Variants in RMDN2 observed in about 807,000 individuals in gnomAD.
RMDN2 encodes regulator of microtubule dynamics 2.
A neutral mutation model predicts 52.8 loss-of-function variants in RMDN2; 61 were observed. The ratio of observed to expected loss-of-function variants is 1.16; its 90% CI spans 0.94 to 1.43. The LOEUF (loss-of-function observed/expected upper bound fraction) is 1.43, where lower values mean the gene tolerates loss of function less well. Among genes scored for constraint, RMDN2 ranks in the 40% most tolerant of loss-of-function variants. The probability of loss-of-function intolerance (pLI) is 0.00; values close to 1 mark genes in which losing one functional copy is unlikely to be tolerated. For missense variants in RMDN2, 592 were observed against 475.3 expected (o/e 1.25, Z -2.28); for synonymous variants, 180 against 153.1 (o/e 1.18, Z -1.30).
chr2:37,986,034 A>AT (rs1285835528), intron 5 of RMDN2, among the ~76,000 whole-genome samples: 3 of 152,160 alleles, frequency 2.0e-5, no homozygotes, highest in Non-Finnish European at 4.4e-5. Context: ...TACTATGAGA[A>AT]TTTTTTTGTA....
chr2:38,016,886 G>A lies in RMDN2; in HGVS notation c.1180-300G>A, dbSNP rs148753896. ...AGAAGGAATTCAATGAAATAAACAT[G>A]ATAAACCCTTTACTCATAGAGCGAC... On this transcript the variant is annotated intron_variant, in intron 10 of 10. Coordinates refer to ENST00000354545, the MANE Select transcript of RMDN2 (RefSeq NM_001170791.3). 4.8e-3 allele frequency among the ~76,000 whole-genome samples: 723 copies of A among 151,764 alleles called. 5 individuals carry two copies. Among genetic ancestry groups the A allele is most frequent in the African/African-American group, 0.017 (687 of 41,382 alleles).
At chr2:37,981,175 G>A (rs1203157311) in intron 4 of RMDN2, 108 bp from the exon 5 acceptor site, 12 of 759,786 alleles carry the variant, frequency 1.6e-5, no homozygotes, top group Non-Finnish European at 2.6e-5. Flanking sequence ...ATGTGATGCT[G>A]ATGCTTCTGG....
intron 2 of RMDN2, among the ~76,000 whole-genome samples, chr2:37,962,139 G>T (rs1321105461): frequency 6.6e-6 from 1 of 152,224 alleles, no homozygotes; most frequent in Non-Finnish European, 1.5e-5. Flanking sequence ...CCTCTGCTGG[G>T]AGATGTCTCC....
intron 10 of RMDN2, among the ~76,000 whole-genome samples, chr2:38,025,923 CT>C: frequency 6.6e-6 from 1 of 152,052 alleles, no homozygotes; most frequent in East Asian, 1.9e-4. Flanking sequence ...CTTGTAAAGT[CT>C]TTTTCTGGTT....
chr2:38,037,647 C>T (rs550782651), intron 10 of RMDN2, among the ~76,000 whole-genome samples: 2 of 152,314 alleles, frequency 1.3e-5, no homozygotes, highest in East Asian at 3.9e-4. Context: ...AAACATAGTT[C>T]AGAACCTGAT....
intron 5 of RMDN2, among the ~76,000 whole-genome samples, chr2:37,987,390 A>G (rs1430570478): frequency 6.6e-6 from 1 of 152,194 alleles, no homozygotes; most frequent in Non-Finnish European, 1.5e-5. Flanking sequence ...CCATGAAAAG[A>G]TGTGGAGGAA....
chr2:37,978,813 T>TAGATAGATAGATAGATAGAG (rs1180325489), intron 4 of RMDN2, among the ~76,000 whole-genome samples: 2 of 151,714 alleles, frequency 1.3e-5, no homozygotes, highest in Admixed American at 1.3e-4. Flanking sequence ...GATAGATAGA[T>TAGATAGATAGATAGATAGAG]AGAGAACAGG....
At chr2:38,021,514 G>A (rs972701722), downstream of RMDN2, among the ~76,000 whole-genome samples, 2 of 152,054 alleles carry the variant, frequency 1.3e-5, no homozygotes, top group African/African-American at 4.8e-5. Context: ...TCCTGAGCCA[G>A]CGAGACCACA....
At chr2:38,057,138 G>A (rs1274983558) in intron 10 of RMDN2, among the ~76,000 whole-genome samples, 2 of 152,264 alleles carry the variant, frequency 1.3e-5, no homozygotes, top group Middle Eastern at 3.4e-3. Flanking sequence ...ACATGAAGAG[G>A]TTGTTACTAT....
At chr2:37,932,480 C>A (rs2124897283) in intron 2 of RMDN2, among the ~76,000 whole-genome samples, 1 of 150,178 alleles carries the variant, frequency 6.7e-6, no homozygotes, top group East Asian at 2.0e-4. Flanking sequence ...ACAGACACGG[C>A]AACCATCCGA....
At chr2:37,930,344 C>T (rs780548121) in intron 2 of RMDN2, among the ~76,000 whole-genome samples, 1 of 152,196 alleles carries the variant, frequency 6.6e-6, no homozygotes, top group Non-Finnish European at 1.5e-5. Context: ...AATCCAGTGG[C>T]TAGGTCTCTT....
rs141578932 is a variant in RMDN2 at position 38,004,005 on chromosome 2, C to T, written c.1059C>T (p.Cys353=). 3 of 1,612,402 alleles carry T rather than the reference C, an allele frequency of 1.9e-6. No homozygotes were observed. The highest frequency in any genetic ancestry group is 2.7e-5 in the African/African-American group (2 of 74,878). The part of the protein sequence containing the change: ...LHNFLKAEEL[C]PGYSNPNYMY... ...TCTCAAATCAGGCTGAAGAACTATG[C>T]CCTGGTTATTCTAATCCCAATTACA... is the stretch of plus-strand genomic sequence containing the variant. Residue 353 remains cysteine (C), a synonymous_variant, in exon 9 of 11, where the codon TGC becomes TGT. Coordinates refer to ENST00000354545, the MANE Select transcript of RMDN2 (RefSeq NM_001170791.3).
chr2:38,022,670 G>A (rs553460740), downstream of RMDN2, among the ~76,000 whole-genome samples: 9 of 152,288 alleles, frequency 5.9e-5, no homozygotes, highest in South Asian at 4.1e-4. Flanking sequence ...ATGTAATTGC[G>A]ATGTTATCTT....
chr2:37,969,215 C>A (rs987771766), intron 2 of RMDN2, among the ~76,000 whole-genome samples: 2 of 151,866 alleles, frequency 1.3e-5, no homozygotes, highest in South Asian at 2.1e-4. Context: ...ACTTGCCTTT[C>A]CATATTAATT....
At chr2:37,959,001 G>A (rs1392616208) in intron 2 of RMDN2, among the ~76,000 whole-genome samples, 1 of 151,122 alleles carries the variant, frequency 6.6e-6, no homozygotes, top group Non-Finnish European at 1.5e-5. Flanking sequence ...TTAGGATGAA[G>A]CTGACTTGAT....
At chr2:37,967,405 G>T (rs1671202712) in intron 2 of RMDN2, among the ~76,000 whole-genome samples, 2 of 152,096 alleles carry the variant, frequency 1.3e-5, no homozygotes, top group Non-Finnish European at 2.9e-5. Flanking sequence ...GATGAAATAT[G>T]GCCTTACCAG....
In RMDN2 at chr2:37,991,308, T is replaced by C; in HGVS notation, c.945+11T>C. ...AGATACTGCTATACTGTAAGTTGAA[T>C]GCCTTTATTTATAAACTTTATTTGA... On this transcript the variant is annotated intron_variant, in intron 7 of 10. Transcript: ENST00000354545. 1.5e-6 allele frequency: 2 copies of C among 1,354,060 alleles called. No homozygotes were observed. Among genetic ancestry groups the C allele is most frequent in the South Asian group, 3.1e-5 (2 of 64,010 alleles). 83.9% of individuals were successfully genotyped at this position (1,354,060 alleles called of 1,614,324 possible).
At chr2:38,045,394 G>C (rs188594562) in intron 10 of RMDN2, among the ~76,000 whole-genome samples, 30 of 152,216 alleles carry the variant, frequency 2.0e-4, no homozygotes, top group African/African-American at 6.3e-4. Flanking sequence ...ACAAATGTAG[G>C]CTCCTGTTAT....
intron 8 of RMDN2, among the ~76,000 whole-genome samples, chr2:38,000,404 A>C (rs1379934976): frequency 6.6e-6 from 1 of 152,222 alleles, no homozygotes; most frequent in Non-Finnish European, 1.5e-5. Flanking sequence ...GAAGTTTGAC[A>C]AACTTATATA....
Sources: allele counts gnomAD v4.1 joint callset (sites outside exome capture counted in the v4.1 genomes callset), GRCh38; gene constraint gnomAD v4.1.1; transcripts MANE v1.5; gene names NCBI Gene and HGNC (gene_info 2026-07-23, HGNC 2026-07-21).